CENATAC: variants seen among roughly 807,000 people sequenced by gnomAD.
The protein encoded by CENATAC is coiled-coil domain containing 84.
In CENATAC, 53 loss-of-function variants were observed where a neutral mutation model predicts 53.7. That is an observed-to-expected ratio of 0.99 (90% CI 0.79 to 1.24). The LOEUF (loss-of-function observed/expected upper bound fraction) is 1.24, where lower values mean the gene tolerates loss of function less well. Ranked by LOEUF, CENATAC falls within the 50% of genes most tolerant of loss-of-function variation. CENATAC has a pLI of 0.00. For missense variants in CENATAC, 474 were observed against 417.8 expected, an observed-to-expected ratio of 1.13 and a Z score of -1.17; for synonymous variants, 156 against 144.6, an observed-to-expected ratio of 1.08 and a Z score of -0.57.
Position 118,998,182 on chromosome 11 carries a change from A to G in CENATAC, c.-16A>G. On this transcript the variant is annotated 5_prime_UTR_variant, in exon 1 of 11. It adds an upstream start codon to the 5' untranslated region. Coordinates refer to ENST00000334418, the MANE Select transcript of CENATAC (RefSeq NM_198489.3). The stretch of plus-strand genomic sequence containing the variant: ...AGGATCGGCCGCTGGTGGTGGTGAT[A>G]CCGGGTACCCGGGCTATGGCGCCGG... 6.4e-7 allele frequency: 1 copy of G among 1,573,372 alleles called. No individual in the cohort carries two copies. The highest frequency in any genetic ancestry group is 8.6e-7 in the Non-Finnish European group (1 of 1,162,182).
chr11:118,998,947 T>A, intron 2 of CENATAC, 64 bp from the exon 3 acceptor site: 1 of 1,288,110 alleles, frequency 7.8e-7, no homozygotes, highest in Non-Finnish European at 1.1e-6. Flanking sequence ...ACAAACCTAA[T>A]GCTTAATATC....
intron 8 of CENATAC, among the ~76,000 whole-genome samples, chr11:119,013,863 A>C (rs1943000226): frequency 6.6e-6 from 1 of 152,168 alleles, no homozygotes; most frequent in South Asian, 2.1e-4. Flanking sequence ...TGATAAGGAA[A>C]CAACCCAATA....
chr11:119,003,498 A>G (rs893386224), intron 3 of CENATAC: 5 of 410,608 alleles, frequency 1.2e-5, no homozygotes, highest in South Asian at 4.0e-5. Flanking sequence ...GGGTGTCACC[A>G]TGTTGGCCAA....
At chr11:119,001,936 T>G in intron 3 of CENATAC, 1 of 253,856 alleles carries the variant, frequency 3.9e-6, no homozygotes, top group South Asian at 4.2e-5. Flanking sequence ...ATGAAATTGA[T>G]CACATGGCCA....
intron 3 of CENATAC, among the ~76,000 whole-genome samples, chr11:119,005,554 C>G (rs1423698535): frequency 6.6e-6 from 1 of 151,956 alleles, no homozygotes; most frequent in East Asian, 1.9e-4. Context: ...AGGCAATCCT[C>G]CCACCTCAGC....
At chr11:119,008,638 A>G (rs181048258) in intron 3 of CENATAC, among the ~76,000 whole-genome samples, 18 of 152,324 alleles carry the variant, frequency 1.2e-4, no homozygotes, top group African/African-American at 3.8e-4. Flanking sequence ...CTCACCTGCA[A>G]GAGGCTTTCC....
Position 119,015,628 on chromosome 11 carries a change from A to G in CENATAC, c.*30A>G, listed in dbSNP as rs782566323. The G allele has an allele frequency of 3.7e-6, 6 of 1,612,128 alleles. No individual in the cohort carries two copies. Among genetic ancestry groups the G allele is most frequent in the Admixed American group, 3.3e-5 (2 of 59,974 alleles). On this transcript the variant is annotated 3_prime_UTR_variant, in exon 11 of 11. Coordinates refer to ENST00000334418, the MANE Select transcript of CENATAC (RefSeq NM_198489.3). ...GCTCTCTACCAACTACCATGAGGCT[A>G]AAAGCAAAGTCAACAAACCCCTATT...
At chr11:119,008,008 C>G (rs1448598833) in intron 3 of CENATAC, among the ~76,000 whole-genome samples, 1 of 152,132 alleles carries the variant, frequency 6.6e-6, no homozygotes, top group Non-Finnish European at 1.5e-5. Flanking sequence ...ACTGGATGAC[C>G]CCAGTGTGAG....
At chr11:119,005,280 C>A (rs1440375630) in intron 3 of CENATAC, among the ~76,000 whole-genome samples, 3 of 151,954 alleles carry the variant, frequency 2.0e-5, no homozygotes, top group African/African-American at 7.3e-5. Flanking sequence ...TCCTGGCTAA[C>A]ACGGTGAAAC....
At chr11:118,999,276 C>G (rs1942170846) in intron 3 of CENATAC, 167 bp downstream of exon 3, 1 of 565,656 alleles carries the variant, frequency 1.8e-6, no homozygotes, top group East Asian at 2.8e-5. Flanking sequence ...AAAAATGTGA[C>G]AGTTCTTGAG....
At chr11:119,001,380 G>A (rs1183730726) in intron 3 of CENATAC, among the ~76,000 whole-genome samples, 1 of 151,952 alleles carries the variant, frequency 6.6e-6, no homozygotes, top group Non-Finnish European at 1.5e-5. Context: ...CTGTGTGTAA[G>A]TTTTGATAAA....
chr11:119,008,835 G>C (rs1175912346), intron 3 of CENATAC, among the ~76,000 whole-genome samples: 1 of 152,150 alleles, frequency 6.6e-6, no homozygotes, highest in East Asian at 1.9e-4. Flanking sequence ...GGTTTATTGA[G>C]ACTAGAGAAT....
chr11:119,011,955 A>G lies in CENATAC; in HGVS notation c.530A>G (p.Asp177Gly), dbSNP rs145295890. ...CAAACTCAGCCTCAGGCAGTGCCAG[A>G]CCCAGAAGAGGGCTCTTCAGCACCT... ...RSVLEPQAVP[D>G]PEEGSSAPRS... is the part of the protein sequence containing the mutation. The change falls in exon 6 of 11, where the codon GAC (aspartate) becomes GGC (glycine). Residue 177 changes from aspartate (D) to glycine (G), a missense_variant. Asp to Gly is a moderately conservative substitution (Grantham distance 94). Transcript: ENST00000334418. 3.0e-5 allele frequency: 48 copies of G among 1,614,014 alleles called. No homozygotes were observed. The highest frequency in any genetic ancestry group is 3.5e-5 in the Non-Finnish European group (41 of 1,180,008).
rs376293221 is a variant in CENATAC at position 118,998,357 on chromosome 11, C to A, written c.120+40C>A. 11 of 1,611,402 alleles carry A rather than the reference C, an allele frequency of 6.8e-6. No individual in the cohort carries two copies. In the African/African-American group the frequency reaches 1.3e-4, roughly 20 times the overall value. On this transcript the variant is annotated intron_variant, in intron 1 of 10. Coordinates refer to ENST00000334418, the MANE Select transcript of CENATAC (RefSeq NM_198489.3). Reference sequence around the variant, plus strand: ...CTAGAGATGGGATGGGAGTGCGGGGCAGGTCAGTGAAGGCCAGAGCGGGTG... The same window carrying A: ...CTAGAGATGGGATGGGAGTGCGGGGAAGGTCAGTGAAGGCCAGAGCGGGTG...
chr11:118,998,641 CGGG>C, intron 2 of CENATAC, 48 bp downstream of exon 2: 1 of 1,538,592 alleles, frequency 6.5e-7, no homozygotes, highest in Non-Finnish European at 8.8e-7. Flanking sequence ...CATACATATA[CGGG>C]AGGAGGGTTT....
At chr11:119,015,196 TGGGA>T (rs1943100967) in intron 9 of CENATAC, 107 bp from the exon 10 acceptor site, 1 of 1,443,044 alleles carries the variant, frequency 6.9e-7, no homozygotes, top group South Asian at 1.3e-5. Context: ...GAGGCTGAGG[TGGGA>T]GGGTCACTTG....
intron 3 of CENATAC, among the ~76,000 whole-genome samples, chr11:119,006,522 A>G (rs1287998514): frequency 6.6e-6 from 1 of 151,656 alleles, no homozygotes; most frequent in Non-Finnish European, 1.5e-5. Context: ...GGCGTAAGCC[A>G]CCATGCCCGG....
intron 3 of CENATAC, among the ~76,000 whole-genome samples, chr11:118,999,593 G>A (rs1047886758): frequency 6.6e-6 from 1 of 151,990 alleles, no homozygotes; most frequent in Non-Finnish European, 1.5e-5. Context: ...CAAGTAGCTG[G>A]GATTACAGGC....
At position 119,015,287 on chromosome 11, in the gene CENATAC, GTT is replaced by G. The variant is rs781976829; in HGVS notation, c.806-18_806-17del. 8.2e-6 allele frequency: 13 copies of G among 1,586,992 alleles called. No homozygotes were observed. In the African/African-American group the frequency reaches 8.3e-5, roughly 10 times the overall value. On this transcript the variant is annotated intron_variant, in intron 9 of 10. Transcript: ENST00000334418. Reference sequence around the variant, plus strand: ...TATTCTTCAATAAAGAAAAATAAAAGTTTCCCTATCATTGTACAGAGGAAAAA... The same window carrying G: ...TATTCTTCAATAAAGAAAAATAAAAGTCCCTATCATTGTACAGAGGAAAAA...
Sources: allele counts gnomAD v4.1 joint callset (sites outside exome capture counted in the v4.1 genomes callset), GRCh38; gene constraint gnomAD v4.1.1; transcripts MANE v1.5; gene names NCBI Gene and HGNC (gene_info 2026-07-23, HGNC 2026-07-21).